The following MRPL43 variants were observed in gnomAD, a reference collection of about 807,000 sequenced individuals.
MRPL43 encodes large ribosomal subunit protein mL43.
Under a neutral mutation model 12.7 loss-of-function variants are expected in MRPL43, and 9 were observed. The observed-to-expected ratio is 0.71, with a 90% CI of 0.43 to 1.24. The LOEUF is 1.24. MRPL43 is among the 50% of genes most tolerant of loss of function. The pLI, the probability that MRPL43 is intolerant of heterozygous loss-of-function variation, is 0.00. For synonymous variants in MRPL43, 116 were observed against 96.4 expected (o/e 1.20, Z -1.19); for missense variants, 211 against 229.2 (o/e 0.92, Z 0.51).
At chr10:100,979,395 T>C, downstream of MRPL43, 5 of 1,590,426 alleles carry the variant, frequency 3.1e-6, no homozygotes, top group Non-Finnish European at 3.4e-6. Flanking sequence ...AATTTTTTTT[T>C]TTTTTTAAGA....
chr10:100,984,663 C>T, downstream of MRPL43: 1 of 1,536,292 alleles, frequency 6.5e-7, no homozygotes, highest in South Asian at 1.2e-5. Context: ...CCACCCTCAC[C>T]TTCTCCTGGT....
At chr10:100,981,311 T>C (rs961241754), downstream of MRPL43, 2 of 1,597,982 alleles carry the variant, frequency 1.3e-6, no homozygotes, top group Admixed American at 1.7e-5. Context: ...TATATGTTTG[T>C]ATCTGAGTGG....
chr10:100,983,446 G>A (rs144727154), downstream of MRPL43: 41 of 1,613,934 alleles, frequency 2.5e-5, no homozygotes, highest in East Asian at 8.9e-5. Flanking sequence ...GGTGGCTACC[G>A]TGTGGGCGTG....
At chr10:100,983,586 G>A, downstream of MRPL43, 1 of 1,613,960 alleles carries the variant, frequency 6.2e-7, no homozygotes, top group Non-Finnish European at 8.5e-7. Flanking sequence ...TCCTGCCCCA[G>A]CTCCAAAAGC....
At chr10:100,981,061 A>G, downstream of MRPL43, 2 of 1,599,824 alleles carry the variant, frequency 1.3e-6, no homozygotes, top group East Asian at 4.5e-5. Flanking sequence ...CCTGATAGCT[A>G]CTGGGGGAGT....
chr10:100,987,461 C>A lies in MRPL43; in HGVS notation c.-18G>T. On this transcript the variant is annotated 5_prime_UTR_variant, in exon 1 of 3. Coordinates refer to ENST00000318364, the MANE Select transcript of MRPL43 (RefSeq NM_032112.3). ...GCCGTCATAGCTACAGCTTGGAGGC[C>A]GCGGAGCCTAAGCAGCGAGGAGAGG... 6.2e-7 allele frequency: 1 copy of A among 1,610,740 alleles called. No individual in the cohort carries two copies. Among genetic ancestry groups the A allele is most frequent in the Non-Finnish European group, 8.5e-7 (1 of 1,179,140 alleles).
In MRPL43 at chr10:100,986,724, G is replaced by A. The variant is rs763323057; in HGVS notation, c.*10C>T. 6.2e-7 allele frequency: 1 copy of A among 1,613,910 alleles called. No homozygotes were observed. The highest frequency in any genetic ancestry group is 1.7e-5 in the Admixed American group (1 of 60,014). The stretch of plus-strand genomic sequence containing the variant: ...CCAAAGCCTGGGGCTGCAGTTGGTG[G>A]GGCAACTCTTCACTGTGCTTGCACC... On this transcript the variant is annotated 3_prime_UTR_variant, in exon 3 of 3. Coordinates refer to ENST00000318364, the MANE Select transcript of MRPL43 (RefSeq NM_032112.3).
intron 1 of MRPL43, 50 bp from the exon 2 acceptor site, chr10:100,987,246 T>C: frequency 1.2e-6 from 2 of 1,612,624 alleles, no homozygotes; most frequent in Non-Finnish European, 1.7e-6. Context: ...GGGGGCGACC[T>C]ACCCGGGGAG....
At chr10:100,979,969 G>C (rs1390825588), downstream of MRPL43, 2 of 1,614,086 alleles carry the variant, frequency 1.2e-6, no homozygotes, top group East Asian at 4.5e-5. Context: ...TGAGGGTGGG[G>C]TGCCTGAGCC....
downstream of MRPL43, chr10:100,979,800 G>C (rs1285527096): frequency 6.2e-7 from 1 of 1,604,468 alleles, no homozygotes; most frequent in African/African-American, 1.3e-5. Flanking sequence ...TTGGGGGGCA[G>C]GCTTGACTCC....
At chr10:100,984,986 T>A (rs1851365080), downstream of MRPL43, 1 of 1,331,784 alleles carries the variant, frequency 7.5e-7, no homozygotes, top group Non-Finnish European at 1.0e-6. Flanking sequence ...CACATGCACC[T>A]CTGAGCCTCC....
At chr10:100,984,655 A>G (rs1330576370), downstream of MRPL43, 1 of 1,535,928 alleles carries the variant, frequency 6.5e-7, no homozygotes, top group Non-Finnish European at 8.7e-7. Context: ...CAGTGCCCCC[A>G]CCCTCACCTT....
chr10:100,981,525 C>T (rs141811035), downstream of MRPL43: 153 of 1,614,024 alleles, frequency 9.5e-5, 1 homozygote, highest in South Asian at 1.2e-3. Context: ...CAAGGAAGAT[C>T]GGATGACTGA....
chr10:100,978,477 G>T (rs752390993), downstream of MRPL43: 2 of 1,591,504 alleles, frequency 1.3e-6, no homozygotes, highest in Non-Finnish European at 1.7e-6. Flanking sequence ...TATGTCATGT[G>T]CCCTGTTGAA....
chr10:100,980,802 CTG>C, downstream of MRPL43: 1 of 1,533,552 alleles, frequency 6.5e-7, no homozygotes, highest in Non-Finnish European at 8.7e-7. Context: ...TGCCGACCAA[CTG>C]TCCTATCTGG....
downstream of MRPL43, chr10:100,978,466 A>T (rs927520643): frequency 2.5e-6 from 4 of 1,594,798 alleles, no homozygotes; most frequent in Non-Finnish European, 3.4e-6. Context: ...GCCACCATGT[A>T]TATGTCATGT....
At position 100,986,573 on chromosome 10, in the gene MRPL43, C is replaced by T. The variant is rs759945302; in HGVS notation, c.*161G>A. ...AGGTCACTGCCCCCAGAAGCAGGCACTGGAAAGAAACAGGCAGCTCTTCAT... is the reference window on the plus strand; with the variant it reads ...AGGTCACTGCCCCCAGAAGCAGGCATTGGAAAGAAACAGGCAGCTCTTCAT... On this transcript the variant is annotated 3_prime_UTR_variant, in exon 3 of 3. Transcript: ENST00000318364. 5 of 1,584,796 alleles carry T rather than the reference C, an allele frequency of 3.2e-6. No homozygotes were observed. The South Asian group carries it at 4.5e-5, about 14-fold the overall frequency.
downstream of MRPL43, chr10:100,979,386 ATTT>A (rs35784439): frequency 1.5e-5 from 22 of 1,465,194 alleles, no homozygotes; most frequent in South Asian, 7.4e-5. Flanking sequence ...CAAAGTGAGA[ATTT>A]TTTTTTTTTT....
downstream of MRPL43, chr10:100,984,620 G>A (rs1369013608): frequency 1.3e-6 from 2 of 1,536,090 alleles, no homozygotes; most frequent in African/African-American, 2.7e-5. Context: ...ATGCACACAT[G>A]GAAGAATGTT....
Sources: gnomAD v4.1 joint callset for allele counts on GRCh38, gnomAD v4.1.1 for gene constraint, MANE v1.5 for transcripts, NCBI Gene and HGNC (gene_info 2026-07-23, HGNC 2026-07-21) for gene names.